PXT1: variants seen among roughly 807,000 people sequenced by gnomAD.
PXT1 encodes the protein peroxisomal testis enriched protein 1, also known as peroxisomal testis-specific protein 1.
Under a neutral mutation model 11.0 loss-of-function variants are expected in PXT1, and 11 were observed. The ratio of observed to expected loss-of-function variants is 1.00; its 90% confidence interval spans 0.63 to 1.66. PXT1 has a LOEUF of 1.66. PXT1 is among the 40% of genes most tolerant of loss of function. PXT1 has a pLI of 0.00. For synonymous variants in PXT1, 43 were observed against 51.4 expected, an observed-to-expected ratio of 0.84 and a Z score of 0.70; for missense variants, 141 against 155.5, an observed-to-expected ratio of 0.91 and a Z score of 0.49.
chr6:36,400,436 G>T lies in PXT1; in HGVS notation c.300+18C>A. 6.2e-7 allele frequency: 1 copy of T among 1,612,172 alleles called. No individual in the cohort carries two copies. Among genetic ancestry groups the T allele is most frequent in the Admixed American group, 1.7e-5 (1 of 59,908 alleles). On this transcript the variant is annotated intron_variant, in intron 4 of 4. Transcript: ENST00000454782. ...CCTCCTACCTGACAGGCCCTGGCTGGGGAAACTGAAGCCTCACCTCTCGAA... is the reference window on the plus strand; with the variant it reads ...CCTCCTACCTGACAGGCCCTGGCTGTGGAAACTGAAGCCTCACCTCTCGAA...
At chr6:36,401,343 G>A (rs1000718347) in intron 3 of PXT1, among the ~76,000 whole-genome samples, 3 of 152,056 alleles carry the variant, frequency 2.0e-5, no homozygotes, top group African/African-American at 7.2e-5. Context: ...AGTTTAAAAC[G>A]TAGATTCAGG....
intron 3 of PXT1, among the ~76,000 whole-genome samples, chr6:36,423,792 A>C (rs758281659): frequency 3.3e-5 from 5 of 152,164 alleles, no homozygotes; most frequent in Non-Finnish European, 4.4e-5. Context: ...ACAGCACTTT[A>C]TTGGAAGATC....
chr6:36,422,079 A>G (rs1335987783), intron 3 of PXT1, among the ~76,000 whole-genome samples: 1 of 152,222 alleles, frequency 6.6e-6, no homozygotes, highest in Admixed American at 6.5e-5. Context: ...GATAATGCAT[A>G]TTAGACTGTA....
chr6:36,429,452 G>T (rs9470274), intron 2 of PXT1, among the ~76,000 whole-genome samples: 1 of 136,496 alleles, frequency 7.3e-6, no homozygotes, highest in African/African-American at 2.8e-5. Flanking sequence ...TAGGTATCTT[G>T]TCATTATTAT....
chr6:36,395,413 C>T lies in PXT1; in HGVS notation c.301-3539G>A, dbSNP rs1682283464. On this transcript the variant is annotated intron_variant, in intron 4 of 4. Coordinates refer to ENST00000454782, the MANE Select transcript of PXT1 (RefSeq NM_152990.4). ...TATATAGGAAAGAAAGTTACCATGC[C>T]AGACTTGAAATTCTGTTAAAGTTCC... 3.3e-5 allele frequency among the ~76,000 whole-genome samples: 5 copies of T among 151,584 alleles called. No individual in the cohort carries two copies. In the South Asian group the frequency reaches 1.0e-3, roughly 31 times the overall value.
chr6:36,407,554 A>G (rs1774308459), intron 3 of PXT1, among the ~76,000 whole-genome samples: 1 of 150,568 alleles, frequency 6.6e-6, no homozygotes, highest in Non-Finnish European at 1.5e-5. Flanking sequence ...CCAGTAAGGA[A>G]TTTGGAAAAA....
chr6:36,412,493 C>T (rs1352175318), intron 3 of PXT1, among the ~76,000 whole-genome samples: 1 of 152,048 alleles, frequency 6.6e-6, no homozygotes, highest in Non-Finnish European at 1.5e-5. Flanking sequence ...AACCCCGTCT[C>T]TACTAAAAAT....
intron 3 of PXT1, 109 bp downstream of exon 3, chr6:36,425,805 A>ACAAACAAACAAACAAAAT (rs763685304): frequency 0.01 from 3,378 of 334,838 alleles, 26 homozygotes; most frequent in Non-Finnish European, 0.012. Context: ...AAAAACAAAA[A>ACAAACAAACAAACAAAAT]ATATATATAT....
At chr6:36,410,474 G>C (rs1472329050) in intron 3 of PXT1, among the ~76,000 whole-genome samples, 1 of 148,826 alleles carries the variant, frequency 6.7e-6, no homozygotes, top group East Asian at 2.0e-4. Context: ...AAGGAAATGG[G>C]AGGAAGAAAG....
intron 3 of PXT1, among the ~76,000 whole-genome samples, chr6:36,402,618 C>T (rs1425105011): frequency 1.3e-5 from 2 of 152,178 alleles, no homozygotes; most frequent in Non-Finnish European, 2.9e-5. Flanking sequence ...AAGACACAGA[C>T]TGGGGAAGAG....
intron 4 of PXT1, among the ~76,000 whole-genome samples, chr6:36,394,584 C>T (rs754779830): frequency 1.1e-4 from 16 of 151,692 alleles, no homozygotes; most frequent in Admixed American, 7.2e-4. Flanking sequence ...GAGACAGGGG[C>T]GTAGGGACAG....
At chr6:36,413,500 T>G (rs927437356) in intron 3 of PXT1, among the ~76,000 whole-genome samples, 1 of 152,022 alleles carries the variant, frequency 6.6e-6, no homozygotes, top group Non-Finnish European at 1.5e-5. Flanking sequence ...TTGAACATAC[T>G]GAAATTTCAA....
Position 36,426,166 on chromosome 6 carries a change from G to GT in PXT1, c.-9-76dup, listed in dbSNP as rs1338071962. 4.3e-6 allele frequency: 4 copies of GT among 927,420 alleles called. No individual in the cohort carries two copies. The African/African-American group carries it at 6.8e-5, about 16-fold the overall frequency. The allele number at this position is 927,420 out of a possible 1,614,324, so 57.4% of individuals were successfully genotyped here. A position where few individuals can be genotyped will look rare whatever the true frequency, so the allele number is the denominator to read the frequency against. ...TTTGGTATTTTAGATAAATATTAAT[G>GT]TTTTAACAATATCAGCAGCATTTAT... On this transcript the variant is annotated intron_variant, in intron 2 of 4. Transcript: ENST00000454782.
intron 3 of PXT1, among the ~76,000 whole-genome samples, chr6:36,422,865 TA>T (rs1774542037): frequency 6.6e-6 from 1 of 152,172 alleles, no homozygotes; most frequent in African/African-American, 2.4e-5. Context: ...CATCAGTAAT[TA>T]TTACACTTCT....
At chr6:36,400,317 C>T (rs1774195518) in intron 4 of PXT1, 137 bp downstream of exon 4, 2 of 1,080,266 alleles carry the variant, frequency 1.9e-6, no homozygotes, top group Non-Finnish European at 1.3e-6. Flanking sequence ...ATGTTTAGAT[C>T]TAACATTTGG....
At chr6:36,413,994 G>A (rs993751310) in intron 3 of PXT1, among the ~76,000 whole-genome samples, 6 of 152,180 alleles carry the variant, frequency 3.9e-5, no homozygotes, top group Admixed American at 1.3e-4. Flanking sequence ...GTGAGATCTT[G>A]TCTCTAAAAA....
chr6:36,403,992 A>G (rs1774249845), intron 3 of PXT1, among the ~76,000 whole-genome samples: 1 of 152,236 alleles, frequency 6.6e-6, no homozygotes, highest in Admixed American at 6.5e-5. Context: ...TCATTTATTC[A>G]ATAACAATGT....
chr6:36,392,590 A>C (rs1487536367), intron 4 of PXT1, among the ~76,000 whole-genome samples: 1 of 152,238 alleles, frequency 6.6e-6, no homozygotes, highest in East Asian at 1.9e-4. Context: ...GAGCCTGGGA[A>C]GTTGAGGCTG....
Position 36,390,826 on chromosome 6 carries a change from T to C in PXT1, c.*944A>G, listed in dbSNP as rs878885643. 6.6e-6 allele frequency: 1 copy of C among 152,162 alleles called. No individual in the cohort carries two copies. The highest frequency in any genetic ancestry group is 6.5e-5 in the Admixed American group (1 of 15,270). The allele number at this position is 152,162 out of a possible 1,614,324, so 9.4% of individuals were successfully genotyped here. The stretch of plus-strand genomic sequence containing the variant: ...AGGCAAAGGGCCCACCAACCAATAA[T>C]AGCAAAACCATCCAGCAATAGGAAA... On this transcript the variant is annotated 3_prime_UTR_variant, in exon 5 of 5. Transcript: ENST00000454782.
Sources: allele counts gnomAD v4.1 joint callset (sites outside exome capture counted in the v4.1 genomes callset), GRCh38; gene constraint gnomAD v4.1.1; transcripts MANE v1.5; gene names NCBI Gene and HGNC (gene_info 2026-07-23, HGNC 2026-07-21).